The following CSMD1 variants were observed in gnomAD, a reference collection of about 807,000 sequenced individuals.
The protein encoded by CSMD1 is CUB and Sushi multiple domains 1, also known as CUB and sushi domain-containing protein 1.
CSMD1 carries 213 observed loss-of-function variants against 417.5 expected under a neutral mutation model. The observed-to-expected ratio is 0.51, with a 90% CI of 0.46 to 0.57. The LOEUF (loss-of-function observed/expected upper bound fraction) is 0.57, where lower values mean the gene tolerates loss of function less well. Ranked by LOEUF, CSMD1 falls within the 20% of genes least tolerant of loss-of-function variation. The probability of loss-of-function intolerance (pLI) is 0.00; values close to 1 mark genes in which losing one functional copy is unlikely to be tolerated. For synonymous variants in CSMD1, 2,862 were observed against 1,736.8 expected (o/e 1.65, Z -16.11); for missense variants, 6,923 against 4,529.7 (o/e 1.53, Z -15.17).
At chr8:3,963,760 G>C (rs538121138) in intron 5 of CSMD1, among the ~76,000 whole-genome samples, 37 of 151,154 alleles carry the variant, frequency 2.4e-4, no homozygotes, top group Non-Finnish European at 4.3e-4. Flanking sequence ...TATCACAATA[G>C]TATAGTATAT....
chr8:3,444,762 T>C lies in CSMD1; in HGVS notation c.1561+23950A>G, dbSNP rs144510538. Among the ~76,000 whole-genome samples the C allele has an allele frequency of 2.8e-3, 425 of 152,332 alleles. 2 individuals carry two copies. Among genetic ancestry groups the C allele is most frequent in the African/African-American group, 8.9e-3 (371 of 41,574 alleles). ...TAATAAACTGAAAAGGCCACATTTA[T>C]CCTGTCTTGCCTATCAACTTTGCCA... On this transcript the variant is annotated intron_variant, in intron 12 of 69. Coordinates refer to ENST00000635120, the MANE Select transcript of CSMD1 (RefSeq NM_033225.6).
At chr8:3,861,812 C>T (rs1040236026) in intron 5 of CSMD1, among the ~76,000 whole-genome samples, 3 of 152,096 alleles carry the variant, frequency 2.0e-5, no homozygotes, top group African/African-American at 7.2e-5. Flanking sequence ...CTAAGTGTGC[C>T]GATTACAGAT....
chr8:4,576,548 C>CT (rs1253992141), intron 2 of CSMD1, among the ~76,000 whole-genome samples: 1 of 152,082 alleles, frequency 6.6e-6, no homozygotes, highest in East Asian at 1.9e-4. Flanking sequence ...TGTCTCTCAC[C>CT]TTTTTTGTTG....
intron 5 of CSMD1, among the ~76,000 whole-genome samples, chr8:3,767,742 T>C (rs1166056409): frequency 6.6e-6 from 1 of 152,190 alleles, no homozygotes; most frequent in Non-Finnish European, 1.5e-5. Context: ...AAGTGAACCT[T>C]AAGATGATAA....
intron 2 of CSMD1, among the ~76,000 whole-genome samples, chr8:4,469,365 C>T (rs934785563): frequency 6.6e-6 from 1 of 152,132 alleles, no homozygotes; most frequent in Non-Finnish European, 1.5e-5. Flanking sequence ...TCCACGTGAA[C>T]CAAATCAAGG....
chr8:3,776,177 C>G (rs940112322), intron 5 of CSMD1, among the ~76,000 whole-genome samples: 7 of 152,202 alleles, frequency 4.6e-5, no homozygotes, highest in African/African-American at 9.7e-5. Flanking sequence ...ACCTTCAGAA[C>G]AGATCCATGT....
chr8:3,615,675 T>A (rs879558207), intron 8 of CSMD1, among the ~76,000 whole-genome samples: 1 of 152,194 alleles, frequency 6.6e-6, no homozygotes, highest in Non-Finnish European at 1.5e-5. Flanking sequence ...CTAAAAAACA[T>A]TCCTTCTTTC....
At chr8:3,180,020 GTT>G (rs1056107343) in intron 37 of CSMD1, among the ~76,000 whole-genome samples, 6 of 152,136 alleles carry the variant, frequency 3.9e-5, no homozygotes, top group African/African-American at 1.2e-4. Flanking sequence ...GTAGCAAACT[GTT>G]TATCTCAATT....
chr8:4,112,640 G>T (rs1006348304), intron 3 of CSMD1, among the ~76,000 whole-genome samples: 3 of 152,088 alleles, frequency 2.0e-5, no homozygotes, highest in African/African-American at 7.2e-5. Flanking sequence ...CTGTCCAAAG[G>T]GGATCCTGCC....
intron 69 of CSMD1, among the ~76,000 whole-genome samples, chr8:2,939,168 G>A (rs1280282507): frequency 6.6e-6 from 1 of 152,104 alleles, no homozygotes; most frequent in Non-Finnish European, 1.5e-5. Context: ...AGGCTGAATC[G>A]GATTGGTTTT....
At chr8:3,239,532 GC>G (rs1429764482) in intron 26 of CSMD1, among the ~76,000 whole-genome samples, 7 of 152,176 alleles carry the variant, frequency 4.6e-5, no homozygotes, top group Non-Finnish European at 1.0e-4. Flanking sequence ...CCAGTCTTGG[GC>G]AGGGGCAAAT....
At chr8:3,598,841 G>A (rs944830270) in intron 8 of CSMD1, among the ~76,000 whole-genome samples, 26 of 152,240 alleles carry the variant, frequency 1.7e-4, no homozygotes, top group African/African-American at 6.3e-4. Context: ...CCAGCACTTT[G>A]GGAGGCCGAC....
chr8:3,842,376 T>A (rs967011497), intron 5 of CSMD1, among the ~76,000 whole-genome samples: 1 of 149,988 alleles, frequency 6.7e-6, no homozygotes, highest in Non-Finnish European at 1.5e-5. Context: ...TAATGTATAC[T>A]TAAACAAAAA....
chr8:3,110,238 G>T lies in CSMD1; in HGVS notation c.6528C>A (p.Ile2176=), dbSNP rs767819938. ...YPILKDCIWL[I]TVPPGHGVYI... ...AAACTCCGTGCCCTGGAGGCACCGTGATGAGCCAAATGCAGTCCTTCAGGA... is the reference window on the plus strand; with the variant it reads ...AAACTCCGTGCCCTGGAGGCACCGTTATGAGCCAAATGCAGTCCTTCAGGA... Residue 2176 remains isoleucine (I), a synonymous_variant, in exon 43 of 70, where the codon ATC becomes ATA. Transcript: ENST00000635120. The T allele has an allele frequency of 6.2e-7, 1 of 1,613,320 alleles. No homozygotes were observed. The highest frequency in any genetic ancestry group is 2.2e-5 in the East Asian group (1 of 44,862).
chr8:3,972,969 C>T (rs1813188139), intron 5 of CSMD1, among the ~76,000 whole-genome samples: 2 of 152,100 alleles, frequency 1.3e-5, no homozygotes, highest in African/African-American at 4.8e-5. Context: ...ACTCACAATA[C>T]TTATGTGGAA....
At chr8:3,804,805 C>G (rs969419807) in intron 5 of CSMD1, among the ~76,000 whole-genome samples, 1 of 152,078 alleles carries the variant, frequency 6.6e-6, no homozygotes, top group African/African-American at 2.4e-5. Flanking sequence ...TCTAATTATT[C>G]ATATCTAATA....
chr8:3,591,814 C>G (rs1177111999), intron 8 of CSMD1, among the ~76,000 whole-genome samples: 1 of 150,846 alleles, frequency 6.6e-6, no homozygotes, highest in Admixed American at 6.6e-5. Flanking sequence ...GATGGATAGA[C>G]AGTGGATGGA....
chr8:3,933,551 C>A (rs987248746), intron 5 of CSMD1, among the ~76,000 whole-genome samples: 7 of 152,178 alleles, frequency 4.6e-5, no homozygotes, highest in African/African-American at 1.7e-4. Flanking sequence ...AGATGAGAGT[C>A]CTGGCAAAAC....
At chr8:4,820,653 G>C (rs969610652) in intron 1 of CSMD1, among the ~76,000 whole-genome samples, 1 of 152,174 alleles carries the variant, frequency 6.6e-6, no homozygotes, top group African/African-American at 2.4e-5. Flanking sequence ...AATGATTCAA[G>C]CCTGTGCTTT....
Sources: gnomAD v4.1 joint callset for allele counts (sites outside exome capture counted in the v4.1 genomes callset) on GRCh38, gnomAD v4.1.1 for gene constraint, MANE v1.5 for transcripts, NCBI Gene and HGNC (gene_info 2026-07-23, HGNC 2026-07-21) for gene names.